Variants in GLIPR1L2 observed in about 807,000 individuals in gnomAD.
GLIPR1L2 encodes the protein GLIPR1-like protein 2.
GLIPR1L2 carries 21 observed loss-of-function variants against 28.4 expected under a neutral mutation model. The ratio of observed to expected loss-of-function variants is 0.74; its 90% CI spans 0.52 to 1.06. The LOEUF (loss-of-function observed/expected upper bound fraction) is 1.06. Among genes scored for constraint, GLIPR1L2 ranks in the 50% least tolerant of loss-of-function variants. The pLI is 0.00. For synonymous variants in GLIPR1L2, 145 were observed against 139.3 expected, an observed-to-expected ratio of 1.04 and a Z score of -0.29; for missense variants, 476 against 416.9, an observed-to-expected ratio of 1.14 and a Z score of -1.23.
At chr12:75,426,656 C>T (rs563263259) in intron 4 of GLIPR1L2, among the ~76,000 whole-genome samples, 1 of 152,200 alleles carries the variant, frequency 6.6e-6, no homozygotes, top group African/African-American at 2.4e-5. Flanking sequence ...TTCACACTCA[C>T]GTGGTAGTAA....
At chr12:75,420,086 T>C (rs2139956811) in intron 3 of GLIPR1L2, among the ~76,000 whole-genome samples, 1 of 152,264 alleles carries the variant, frequency 6.6e-6, no homozygotes, top group Non-Finnish European at 1.5e-5. Context: ...TAGTGAAAAA[T>C]GAAACGAGTT....
chr12:75,432,304 A>C lies in GLIPR1L2; in HGVS notation c.*1143A>C, dbSNP rs2139973770. 6.6e-6 allele frequency: 1 copy of C among 152,240 alleles called. No homozygotes were observed. The highest frequency in any genetic ancestry group is 6.5e-5 in the Admixed American group (1 of 15,302). The allele number at this position is 152,240 out of a possible 1,614,324, so 9.4% of individuals were successfully genotyped here. The stretch of plus-strand genomic sequence containing the variant: ...CTTATTAGAACTCAATGTGACTGAG[A>C]TGTGAAAGGTTGATATAATTCTATT... On this transcript the variant is annotated 3_prime_UTR_variant, in exon 6 of 6. Transcript: ENST00000550916.
chr12:75,392,465 G>A (rs1312725530), intron 1 of GLIPR1L2, among the ~76,000 whole-genome samples: 2 of 152,034 alleles, frequency 1.3e-5, no homozygotes, highest in African/African-American at 4.8e-5. Flanking sequence ...CTTTTATATT[G>A]TCAGCATTTC....
intron 4 of GLIPR1L2, among the ~76,000 whole-genome samples, chr12:75,425,357 G>A (rs2046023549): frequency 6.6e-6 from 1 of 152,072 alleles, no homozygotes; most frequent in Non-Finnish European, 1.5e-5. Context: ...CCAGTAAAGG[G>A]GGCATCCATA....
intron 1 of GLIPR1L2, among the ~76,000 whole-genome samples, chr12:75,409,565 G>GTATA (rs4019358): frequency 3.5e-3 from 502 of 143,426 alleles, no homozygotes; most frequent in Middle Eastern, 7.5e-3. Context: ...GGGTGTGTGT[G>GTATA]TATATATATA....
chr12:75,408,433 AAAT>A (rs10532059), intron 1 of GLIPR1L2, among the ~76,000 whole-genome samples: 75,453 of 151,062 alleles, frequency 0.5, 19,169 homozygotes, highest in East Asian at 0.58. Context: ...GGGAAAACAG[AAAT>A]AATAATAATA....
At chr12:75,397,248 A>C (rs1343726775) in intron 1 of GLIPR1L2, among the ~76,000 whole-genome samples, 1 of 151,244 alleles carries the variant, frequency 6.6e-6, no homozygotes, top group Non-Finnish European at 1.5e-5. Flanking sequence ...GATTTTTTAA[A>C]ATTTCTAGAC....
intron 4 of GLIPR1L2, chr12:75,423,401 C>T: frequency 3.1e-5 from 30 of 968,288 alleles, no homozygotes; most frequent in Non-Finnish European, 3.7e-5. Flanking sequence ...CTGAAATCTC[C>T]AAATATTTCA....
intron 1 of GLIPR1L2, among the ~76,000 whole-genome samples, chr12:75,395,041 T>G (rs897673138): frequency 6.6e-6 from 1 of 151,996 alleles, no homozygotes; most frequent in African/African-American, 2.4e-5. Flanking sequence ...TTCAGATTGT[T>G]TATTATTAAC....
intron 1 of GLIPR1L2, among the ~76,000 whole-genome samples, chr12:75,399,818 G>A (rs917686776): frequency 6.6e-6 from 1 of 152,218 alleles, no homozygotes; most frequent in African/African-American, 2.4e-5. Flanking sequence ...TACTACTGGT[G>A]TGAAAGCAAA....
intron 2 of GLIPR1L2, 25 bp from the exon 3 acceptor site, chr12:75,413,573 G>A (rs752773142): frequency 1.6e-6 from 2 of 1,285,860 alleles, no homozygotes; most frequent in East Asian, 2.5e-5. Context: ...TAAATTTTGT[G>A]TCTTTCTTGA....
rs562097983 is a variant in GLIPR1L2, at chr12:75,425,814, T to C, written c.670+2825T>C. ...TGATCAAAAAAATAAATTAAAAGTA[T>C]AATGGGGGCTAGTTTTCTCACTGTC... On this transcript the variant is annotated intron_variant, in intron 4 of 5. Coordinates refer to ENST00000550916, the MANE Select transcript of GLIPR1L2 (RefSeq NM_001270396.2). 1.1e-4 allele frequency among the ~76,000 whole-genome samples: 17 copies of C among 152,166 alleles called. No homozygotes were observed. In the Middle Eastern group the frequency reaches 0.014, roughly 122 times the overall value.
rs1432465165 is a variant in GLIPR1L2 at position 75,429,942 on chromosome 12, T to C, written c.671-773T>C. Reference sequence around the variant, plus strand: ...TTCTTTTCTTTTCTTTTCTTTCTTTTTTTTTTTTTTTTGAGACAGAGTCTT... The same window carrying C: ...TTCTTTTCTTTTCTTTTCTTTCTTTCTTTTTTTTTTTTGAGACAGAGTCTT... On this transcript the variant is annotated intron_variant, in intron 4 of 5. Coordinates refer to ENST00000550916, the MANE Select transcript of GLIPR1L2 (RefSeq NM_001270396.2). Among the ~76,000 whole-genome samples the C allele has an allele frequency of 2.7e-3, 398 of 146,154 alleles. 10 individuals carry two copies. The highest frequency in any genetic ancestry group is 9.6e-3 in the African/African-American group (381 of 39,672).
intron 1 of GLIPR1L2, among the ~76,000 whole-genome samples, chr12:75,405,379 C>T (rs74952496): frequency 6.0e-4 from 91 of 152,204 alleles, no homozygotes; most frequent in African/African-American, 2.1e-3. Context: ...TTAAAAGAAA[C>T]TGTTTTGAAG....
chr12:75,422,044 G>A lies in GLIPR1L2; in HGVS notation c.585-860G>A, dbSNP rs181357627. On this transcript the variant is annotated intron_variant, in intron 3 of 5. Transcript: ENST00000550916. ...GCCTTGCTCTGTTGCCCAGGCTAGA[G>A]TGCAGTGGCACAGTCAGCTCACTGC... is the stretch of plus-strand genomic sequence containing the variant. Among the ~76,000 whole-genome samples, 197 of 152,030 alleles carry A rather than the reference G, an allele frequency of 1.3e-3. 1 individual carries two copies. The highest frequency in any genetic ancestry group is 2.0e-3 in the Non-Finnish European group (136 of 68,002).
chr12:75,423,242 C>G (rs918695477), intron 4 of GLIPR1L2: 1 of 1,333,630 alleles, frequency 7.5e-7, no homozygotes, highest in Non-Finnish European at 9.5e-7. Context: ...AGAATGAGAA[C>G]TAACAGTTAT....
chr12:75,398,328 CAAAAAAAA>C lies in GLIPR1L2; in HGVS notation c.234+6994_234+7001del, dbSNP rs71078729. 1.0e-4 allele frequency among the ~76,000 whole-genome samples: 9 copies of C among 87,912 alleles called. 1 individual carries two copies. Among genetic ancestry groups the C allele is most frequent in the African/African-American group, 3.4e-4 (7 of 20,788 alleles). 57.7% of individuals were successfully genotyped at this position (87,912 alleles called of 152,430 possible). ...TGGGCGATAGAATGAGACTCCATCT[CAAAAAAAA>C]AAAAAAAAAAAAAAACTTTTATCAT... On this transcript the variant is annotated intron_variant, in intron 1 of 5. Coordinates refer to ENST00000550916, the MANE Select transcript of GLIPR1L2 (RefSeq NM_001270396.2).
At chr12:75,391,401 C>G (rs773084792) in intron 1 of GLIPR1L2, 51 bp downstream of exon 1, 1 of 1,601,176 alleles carries the variant, frequency 6.2e-7, no homozygotes. Flanking sequence ...TGCCACAACG[C>G]CTCCCTGGAT....
chr12:75,404,842 C>G (rs554984966), intron 1 of GLIPR1L2, among the ~76,000 whole-genome samples: 1 of 152,088 alleles, frequency 6.6e-6, no homozygotes, highest in Non-Finnish European at 1.5e-5. Flanking sequence ...TTTCCAAAAT[C>G]TTTTTAGTAA....
Sources: allele counts gnomAD v4.1 joint callset (sites outside exome capture counted in the v4.1 genomes callset), GRCh38; gene constraint gnomAD v4.1.1; transcripts MANE v1.5; gene names NCBI Gene and HGNC (gene_info 2026-07-23, HGNC 2026-07-21).